The following IL1RAPL1 variants were observed in gnomAD, a reference collection of about 807,000 sequenced individuals.
IL1RAPL1 encodes the protein interleukin-1 receptor accessory protein-like 1.
IL1RAPL1 carries 3 observed loss-of-function variants against 48.4 expected under a neutral mutation model. The observed-to-expected ratio is 0.06, with a 90% CI of 0.03 to 0.16. The LOEUF (loss-of-function observed/expected upper bound fraction) is 0.16. Ranked by LOEUF, IL1RAPL1 falls within the 10% of genes least tolerant of loss-of-function variation. IL1RAPL1 has a pLI of 1.00. For synonymous variants in IL1RAPL1, 185 were observed against 187.7 expected (o/e 0.99, Z 0.12); for missense variants, 349 against 530.6 (o/e 0.66, Z 3.36).
chrX:29,788,713 A>G lies in IL1RAPL1; in HGVS notation c.778+120209A>G, dbSNP rs143836278. Reference sequence around the variant, plus strand: ...CATTCAATTATTTGTAATCATATTCATTCTACAGTGCTATAGAACAGTAGA... The same window carrying G: ...CATTCAATTATTTGTAATCATATTCGTTCTACAGTGCTATAGAACAGTAGA... On this transcript the variant is annotated intron_variant, in intron 6 of 10. Coordinates refer to ENST00000378993, the MANE Select transcript of IL1RAPL1 (RefSeq NM_014271.4). 6.7e-3 allele frequency among the ~76,000 whole-genome samples: 751 copies of G among 112,030 alleles called. 9 individuals are homozygous for G. The highest frequency in any genetic ancestry group is 0.023 in the African/African-American group (700 of 30,946).
chrX:29,663,875 C>T (rs1925917753), intron 5 of IL1RAPL1, among the ~76,000 whole-genome samples: 1 of 112,124 alleles, frequency 8.9e-6, no homozygotes, highest in Non-Finnish European at 1.9e-5. Context: ...ATAATTAGAA[C>T]AGATTTATTT....
At chrX:29,110,745 T>C (rs983910195) in intron 2 of IL1RAPL1, among the ~76,000 whole-genome samples, 13 of 111,765 alleles carry the variant, frequency 1.2e-4, no homozygotes, top group African/African-American at 3.9e-4. Context: ...GTGTAGTTTC[T>C]GTGAGACGCT....
At chrX:29,531,542 C>T (rs1439931790) in intron 5 of IL1RAPL1, among the ~76,000 whole-genome samples, 1 of 111,842 alleles carries the variant, frequency 8.9e-6, no homozygotes. Flanking sequence ...CTTTCCTACC[C>T]ATGAATGAAA....
intron 1 of IL1RAPL1, among the ~76,000 whole-genome samples, chrX:28,706,858 A>G (rs1347440879): frequency 8.9e-6 from 1 of 112,278 alleles, no homozygotes; most frequent in Non-Finnish European, 1.9e-5. Flanking sequence ...ATTTGCAAAT[A>G]TGGTGTACGT....
intron 2 of IL1RAPL1, among the ~76,000 whole-genome samples, chrX:28,855,625 A>G (rs1921785587): frequency 9.0e-6 from 1 of 111,206 alleles, no homozygotes; most frequent in South Asian, 3.7e-4. Context: ...CAAAAAACTT[A>G]TATGCACTTA....
intron 5 of IL1RAPL1, among the ~76,000 whole-genome samples, chrX:29,403,526 G>A (rs777603525): frequency 1.8e-5 from 2 of 111,581 alleles, no homozygotes; most frequent in East Asian, 5.6e-4. Context: ...CATGTTGAGA[G>A]TACTCATTGC....
Position 29,955,729 on chromosome X carries a change from G to T in IL1RAPL1, c.2000G>T (p.Ser667Ile). The change falls in exon 11 of 11, where the codon AGC becomes ATC. Residue 667 changes from serine to isoleucine, a missense_variant. Transcript: ENST00000378993. ...INGQRPQTKS[S>I]REQNPDEAHT... ...GGGCAGCGGCCACAGACAAAATCGAGCAGGGAGCAGAATCCAGATGAGGCC... is the reference window on the plus strand; with the variant it reads ...GGGCAGCGGCCACAGACAAAATCGATCAGGGAGCAGAATCCAGATGAGGCC... 1 of 1,211,483 alleles carries T rather than the reference G, an allele frequency of 8.3e-7. No individual in the cohort carries two copies. The highest frequency in any genetic ancestry group is 3.0e-5 in the East Asian group (1 of 33,828).
chrX:29,759,228 T>G (rs1483187117), intron 6 of IL1RAPL1, among the ~76,000 whole-genome samples: 1 of 112,359 alleles, frequency 8.9e-6, no homozygotes, highest in Non-Finnish European at 1.9e-5. Context: ...TTAATGGTTA[T>G]ACACGTGGTT....
At chrX:29,075,313 T>C (rs996228641) in intron 2 of IL1RAPL1, among the ~76,000 whole-genome samples, 29 of 111,705 alleles carry the variant, frequency 2.6e-4, no homozygotes, top group Non-Finnish European at 5.5e-4. Flanking sequence ...TAGGGTAATC[T>C]CTTTTTGTTT....
chrX:29,068,439 T>C (rs1418227060), intron 2 of IL1RAPL1, among the ~76,000 whole-genome samples: 1 of 112,143 alleles, frequency 8.9e-6, no homozygotes, highest in African/African-American at 3.2e-5. Flanking sequence ...GAGGTACTAT[T>C]GGAGAGATAC....
intron 2 of IL1RAPL1, among the ~76,000 whole-genome samples, chrX:29,084,912 C>T (rs1342948724): frequency 8.9e-6 from 1 of 111,818 alleles, no homozygotes; most frequent in Non-Finnish European, 1.9e-5. Flanking sequence ...AGGCTGGTCC[C>T]GAACTCCTGA....
At chrX:29,534,861 C>T (rs1342345326) in intron 5 of IL1RAPL1, among the ~76,000 whole-genome samples, 4 of 108,318 alleles carry the variant, frequency 3.7e-5, no homozygotes, top group South Asian at 4.1e-4. Flanking sequence ...CCCAGCTGCT[C>T]GGGAGGCTGA....
intron 1 of IL1RAPL1, among the ~76,000 whole-genome samples, chrX:28,725,030 C>A (rs1294961713): frequency 9.5e-6 from 1 of 105,752 alleles, no homozygotes; most frequent in Non-Finnish European, 1.9e-5. Context: ...CGGCTCACTG[C>A]AAGCTCTGCC....
chrX:28,615,226 T>TG, intron 1 of IL1RAPL1, among the ~76,000 whole-genome samples: 1 of 96,982 alleles, frequency 1.0e-5, no homozygotes, highest in Admixed American at 1.1e-4. Flanking sequence ...TTTTTTTTTT[T>TG]TTTTTTTTAC....
intron 2 of IL1RAPL1, among the ~76,000 whole-genome samples, chrX:29,215,625 G>C (rs1930852503): frequency 9.0e-6 from 1 of 110,717 alleles, no homozygotes; most frequent in Non-Finnish European, 1.9e-5. Flanking sequence ...TGACACAAGG[G>C]CAAAATATTC....
intron 2 of IL1RAPL1, among the ~76,000 whole-genome samples, chrX:29,250,257 T>C (rs569278668): frequency 1.9e-4 from 21 of 111,965 alleles, no homozygotes; most frequent in Middle Eastern, 4.6e-3. Flanking sequence ...AAAACTACAA[T>C]TGAGAAATAG....
chrX:29,413,112 C>CA (rs760534822), intron 5 of IL1RAPL1, among the ~76,000 whole-genome samples: 1 of 111,000 alleles, frequency 9.0e-6, no homozygotes, highest in Admixed American at 9.6e-5. Flanking sequence ...GAGTAAGTCT[C>CA]ACGAGATCTG....
chrX:29,158,184 G>T (rs1034438280), intron 2 of IL1RAPL1, among the ~76,000 whole-genome samples: 1 of 110,825 alleles, frequency 9.0e-6, no homozygotes, highest in Non-Finnish European at 1.9e-5. Flanking sequence ...AGACCACTAG[G>T]GTATAACCGT....
intron 5 of IL1RAPL1, among the ~76,000 whole-genome samples, chrX:29,587,036 G>A (rs903909800): frequency 9.1e-6 from 1 of 110,225 alleles, no homozygotes; most frequent in Non-Finnish European, 1.9e-5. Flanking sequence ...TAATTACTCT[G>A]GCCAGGACTT....
Sources: gnomAD v4.1 joint callset for allele counts (sites outside exome capture counted in the v4.1 genomes callset) on GRCh38, gnomAD v4.1.1 for gene constraint, MANE v1.5 for transcripts, NCBI Gene and HGNC (gene_info 2026-07-23, HGNC 2026-07-21) for gene names.